Variants in CTNND2 observed in about 807,000 individuals in gnomAD.
The protein encoded by CTNND2 is catenin delta-2.
In CTNND2, 22 loss-of-function variants were observed where a neutral mutation model predicts 144.4. That is an observed-to-expected ratio of 0.15 (90% CI 0.11 to 0.22). The LOEUF is 0.22. CTNND2 is among the 10% of genes least tolerant of loss of function. CTNND2 has a pLI of 1.00. For synonymous variants in CTNND2, 751 were observed against 695.6 expected, an observed-to-expected ratio of 1.08 and a Z score of -1.25; for missense variants, 1,353 against 1,618.8, an observed-to-expected ratio of 0.84 and a Z score of 2.82.
intron 1 of CTNND2, among the ~76,000 whole-genome samples, chr5:11,764,459 A>C: frequency 6.6e-6 from 1 of 152,200 alleles, no homozygotes; most frequent in Non-Finnish European, 1.5e-5. Flanking sequence ...AGCAAAAAAA[A>C]AGATAGAAAA....
chr5:11,788,617 G>A (rs879500079), intron 1 of CTNND2, among the ~76,000 whole-genome samples: 5 of 152,074 alleles, frequency 3.3e-5, no homozygotes, highest in Non-Finnish European at 7.4e-5. Flanking sequence ...GCTTAGTGAT[G>A]CAATCCATGT....
intron 2 of CTNND2, among the ~76,000 whole-genome samples, chr5:11,706,881 C>A (rs1467095289): frequency 1.3e-5 from 2 of 151,786 alleles, no homozygotes; most frequent in South Asian, 2.1e-4. Context: ...GTCAGGAGAT[C>A]GAGACCATCC....
chr5:11,856,443 G>GT (rs199875691), intron 1 of CTNND2, among the ~76,000 whole-genome samples: 2,042 of 152,286 alleles, frequency 0.013, 54 homozygotes, highest in African/African-American at 0.043. Flanking sequence ...GCAAAAAGCT[G>GT]TGTTTCTCTG....
At chr5:11,134,793 T>A (rs989022398) in intron 12 of CTNND2, among the ~76,000 whole-genome samples, 1 of 152,216 alleles carries the variant, frequency 6.6e-6, no homozygotes, top group African/African-American at 2.4e-5. Context: ...CCAGATGGCT[T>A]GCACACAATA....
chr5:11,158,931 C>T (rs960765141), intron 12 of CTNND2, among the ~76,000 whole-genome samples: 2 of 152,144 alleles, frequency 1.3e-5, no homozygotes, highest in Non-Finnish European at 2.9e-5. Flanking sequence ...TAACTACTTT[C>T]CTTCCTAAGA....
rs570616778 is a variant in CTNND2 at position 11,479,793 on chromosome 5, G to A, written c.288-67724C>T. ...TTTTTCATAAGATAGTTGGCTGTAT[G>A]TATGTCTTCTTTTGAAAAGTGTCCA... is the stretch of plus-strand genomic sequence containing the variant. On this transcript the variant is annotated intron_variant, in intron 3 of 21. Coordinates refer to ENST00000304623, the MANE Select transcript of CTNND2 (RefSeq NM_001332.4). Among the ~76,000 whole-genome samples the A allele has an allele frequency of 2.1e-3, 323 of 151,810 alleles. 1 individual carries two copies. The highest frequency in any genetic ancestry group is 3.5e-3 in the Non-Finnish European group (239 of 67,928).
rs576941090 is a variant in CTNND2, at chr5:11,160,654, G to A, written c.1976-895C>T. ...TCTATTTTTCTTTGAAAGAAAGCCT[G>A]TATACACCCTGAACCTAAACACGTA... On this transcript the variant is annotated intron_variant, in intron 11 of 21. Coordinates refer to ENST00000304623, the MANE Select transcript of CTNND2 (RefSeq NM_001332.4). 2.0e-5 allele frequency among the ~76,000 whole-genome samples: 3 copies of A among 152,290 alleles called. No individual in the cohort carries two copies. The East Asian group carries it at 5.8e-4, about 29-fold the overall frequency.
At chr5:11,296,274 C>T (rs1748981867) in intron 9 of CTNND2, among the ~76,000 whole-genome samples, 1 of 151,836 alleles carries the variant, frequency 6.6e-6, no homozygotes, top group Non-Finnish European at 1.5e-5. Context: ...AAATCAAAAC[C>T]ACAATGAGAT....
At chr5:11,313,430 C>T (rs1303098475) in intron 9 of CTNND2, among the ~76,000 whole-genome samples, 2 of 152,182 alleles carry the variant, frequency 1.3e-5, no homozygotes, top group East Asian at 1.9e-4. Context: ...ACACTCTGGG[C>T]CCTTCTTCAG....
chr5:11,225,466 C>T (rs1740227056), intron 10 of CTNND2, among the ~76,000 whole-genome samples: 1 of 152,186 alleles, frequency 6.6e-6, no homozygotes, highest in Admixed American at 6.5e-5. Flanking sequence ...TGAATTTACC[C>T]ATTTCCCATC....
At chr5:11,189,695 C>A (rs1048447139) in intron 11 of CTNND2, among the ~76,000 whole-genome samples, 3 of 152,046 alleles carry the variant, frequency 2.0e-5, no homozygotes, top group Admixed American at 1.3e-4. Context: ...TTTTGGGGAG[C>A]CAAATTGTAT....
At chr5:11,617,727 C>T (rs998761731) in intron 2 of CTNND2, among the ~76,000 whole-genome samples, 2 of 152,110 alleles carry the variant, frequency 1.3e-5, no homozygotes, top group Non-Finnish European at 2.9e-5. Flanking sequence ...TAAATAAGGG[C>T]ACACACTGGG....
chr5:11,599,382 T>C (rs1294760281), intron 2 of CTNND2, among the ~76,000 whole-genome samples: 1 of 152,204 alleles, frequency 6.6e-6, no homozygotes, highest in African/African-American at 2.4e-5. Context: ...ATTTCATTTC[T>C]AATAGATGTT....
chr5:11,223,748 G>A (rs1309525067), intron 10 of CTNND2, among the ~76,000 whole-genome samples: 2 of 152,162 alleles, frequency 1.3e-5, no homozygotes, highest in Non-Finnish European at 2.9e-5. Flanking sequence ...CTTTGTTGGA[G>A]GAGCCCTAAA....
rs1749527244 is a variant in CTNND2 at position 11,081,110 on chromosome 5, A to ACACACACACACACACACACT, written c.2788+1585_2788+1586insAGTGTGTGTGTGTGTGTGTG. On this transcript the variant is annotated intron_variant, in intron 16 of 21. Coordinates refer to ENST00000304623, the MANE Select transcript of CTNND2 (RefSeq NM_001332.4). Reference sequence around the variant, plus strand: ...CACACACACACACACACACACACTCACACACACACACAAACATGCTTTGTA... The same window carrying ACACACACACACACACACACT: ...CACACACACACACACACACACACTCACACACACACACACACACACTCACACACACACAAACATGCTTTGTA... Among the ~76,000 whole-genome samples the ACACACACACACACACACACT allele has an allele frequency of 3.5e-5, 5 of 142,034 alleles. No homozygotes were observed. The South Asian group carries it at 6.7e-4, about 19-fold the overall frequency. The allele number at this position is 142,034 out of a possible 152,430, so 93.2% of individuals were successfully genotyped here. A position where few individuals can be genotyped will look rare whatever the true frequency, so the allele number is the denominator to read the frequency against.
At chr5:11,363,616 A>T (rs1307407199) in intron 8 of CTNND2, among the ~76,000 whole-genome samples, 1 of 152,208 alleles carries the variant, frequency 6.6e-6, no homozygotes, top group East Asian at 1.9e-4. Flanking sequence ...TAAAATAAAG[A>T]GTATTTTGTG....
intron 3 of CTNND2, among the ~76,000 whole-genome samples, chr5:11,451,047 A>G (rs1445585338): frequency 6.6e-6 from 1 of 151,932 alleles, no homozygotes; most frequent in African/African-American, 2.4e-5. Flanking sequence ...CTATCAAATC[A>G]TAACATGCAA....
chr5:11,392,717 C>G (rs1227287037), intron 6 of CTNND2, among the ~76,000 whole-genome samples: 2 of 152,228 alleles, frequency 1.3e-5, no homozygotes, highest in Non-Finnish European at 2.9e-5. Flanking sequence ...TATTCTGCCA[C>G]TTTCCTGCAA....
At chr5:11,429,696 G>A (rs980561437) in intron 3 of CTNND2, among the ~76,000 whole-genome samples, 7 of 152,086 alleles carry the variant, frequency 4.6e-5, no homozygotes, top group African/African-American at 9.7e-5. Flanking sequence ...CCTTCTCTCC[G>A]AAAATGCACC....
Sources: allele counts gnomAD v4.1 joint callset (sites outside exome capture counted in the v4.1 genomes callset), GRCh38; gene constraint gnomAD v4.1.1; transcripts MANE v1.5; gene names NCBI Gene and HGNC (gene_info 2026-07-23, HGNC 2026-07-21).